Variants in FAT4 observed in about 807,000 individuals in gnomAD.
FAT4 encodes protocadherin Fat 4.
FAT4 carries 84 observed loss-of-function variants against 303.9 expected under a neutral mutation model. That is an observed-to-expected ratio of 0.28 (90% confidence interval 0.23 to 0.33). The LOEUF (loss-of-function observed/expected upper bound fraction) is 0.33. Among genes scored for constraint, FAT4 ranks in the 10% least tolerant of loss-of-function variants. The pLI is 1.00. For synonymous variants in FAT4, 2,307 were observed against 2,298.8 expected (o/e 1.00, Z -0.10); for missense variants, 6,005 against 6,146.8 (o/e 0.98, Z 0.77).
At position 125,319,394 on chromosome 4, in the gene FAT4, G is replaced by T; in HGVS notation, c.2983G>T (p.Val995Leu). ...YVHDVNDNSPVFDQLSYEVTL... is the reference protein window; with the variant it reads ...YVHDVNDNSPLFDQLSYEVTL... ...CCATGATGTAAATGACAATTCACCA[G>T]TGTTTGACCAACTCTCTTATGAAGT... Residue 995 changes from valine (V) to leucine (L), a missense_variant, in exon 2 of 18, where the codon GTG becomes TTG. By Grantham distance (32) the Val-to-Leu change is conservative (BLOSUM62 1). Transcript: ENST00000394329. 5.0e-6 allele frequency: 8 copies of T among 1,613,352 alleles called. No individual in the cohort carries two copies. Among genetic ancestry groups the T allele is most frequent in the Non-Finnish European group, 6.8e-6 (8 of 1,179,800 alleles).
Position 125,423,319 on chromosome 4 carries a change from T to C in FAT4, c.7018+6697T>C, listed in dbSNP as rs539555142. ...AGGAGGAAAAAATGGTTTCCTTGGGTGGGCCCAGGGCACCCCTGCTGTGTA... is the reference window on the plus strand; with the variant it reads ...AGGAGGAAAAAATGGTTTCCTTGGGCGGGCCCAGGGCACCCCTGCTGTGTA... On this transcript the variant is annotated intron_variant, in intron 7 of 17. Transcript: ENST00000394329. Among the ~76,000 whole-genome samples, 435 of 149,742 alleles carry C rather than the reference T, an allele frequency of 2.9e-3. 1 individual carries two copies. The highest frequency in any genetic ancestry group is 9.4e-3 in the African/African-American group (387 of 41,064).
intron 2 of FAT4, among the ~76,000 whole-genome samples, chr4:125,388,826 A>G (rs1212864258): frequency 6.6e-6 from 1 of 152,138 alleles, no homozygotes; most frequent in African/African-American, 2.4e-5. Flanking sequence ...TTGTTTTAAG[A>G]ATGGAGTTAA....
Position 125,405,627 on chromosome 4 carries a change from C to T in FAT4, c.5308-1253C>T, listed in dbSNP as rs185570680. 5.3e-5 allele frequency among the ~76,000 whole-genome samples: 8 copies of T among 152,042 alleles called. No homozygotes were observed. In the East Asian group the frequency reaches 1.6e-3, roughly 30 times the overall value. On this transcript the variant is annotated intron_variant, in intron 3 of 17. Coordinates refer to ENST00000394329, the MANE Select transcript of FAT4 (RefSeq NM_001291303.3). ...CCGAGTTCATGCCATTCTCCTGCAT[C>T]AGCCTCCCGAGTAGCTGGGACTCCA...
intron 8 of FAT4, among the ~76,000 whole-genome samples, chr4:125,435,121 A>G (rs1362869851): frequency 6.6e-6 from 1 of 152,232 alleles, no homozygotes; most frequent in Non-Finnish European, 1.5e-5. Flanking sequence ...ATATTTGTGT[A>G]TTCTTCATTT....
chr4:125,456,257 C>T (rs1389494570), intron 10 of FAT4, among the ~76,000 whole-genome samples: 1 of 152,050 alleles, frequency 6.6e-6, no homozygotes, highest in Admixed American at 6.5e-5. Context: ...GGAAATTGAG[C>T]CTACAGTCTG....
chr4:125,402,778 C>T (rs552994272), intron 3 of FAT4, among the ~76,000 whole-genome samples: 1 of 152,072 alleles, frequency 6.6e-6, no homozygotes, highest in Admixed American at 6.6e-5. Context: ...CTATACACTC[C>T]AAACTTACCT....
intron 16 of FAT4, among the ~76,000 whole-genome samples, chr4:125,487,051 T>C (rs1727434903): frequency 6.6e-6 from 1 of 152,190 alleles, no homozygotes; most frequent in Admixed American, 6.5e-5. Context: ...TTAATTATCT[T>C]AAATGGACAT....
intron 11 of FAT4, among the ~76,000 whole-genome samples, chr4:125,466,177 A>G (rs1481526986): frequency 6.6e-6 from 1 of 152,198 alleles, no homozygotes; most frequent in African/African-American, 2.4e-5. Context: ...CAGACATTAT[A>G]AAGGCGACAT....
intron 10 of FAT4, among the ~76,000 whole-genome samples, chr4:125,458,150 A>C (rs558897438): frequency 6.6e-6 from 1 of 152,040 alleles, no homozygotes; most frequent in Non-Finnish European, 1.5e-5. Context: ...TTTCAGGTGT[A>C]GTATTTGGAA....
chr4:125,327,983 A>G (rs1731223322), intron 2 of FAT4, among the ~76,000 whole-genome samples: 2 of 152,272 alleles, frequency 1.3e-5, no homozygotes, highest in African/African-American at 4.8e-5. Context: ...GTATTTCAAG[A>G]ATTAATAAAT....
chr4:125,380,579 T>C (rs1194735689), intron 2 of FAT4, among the ~76,000 whole-genome samples: 2 of 152,222 alleles, frequency 1.3e-5, no homozygotes, highest in Non-Finnish European at 2.9e-5. Flanking sequence ...TAATTTATTC[T>C]CTTATTAAAA....
intron 12 of FAT4, among the ~76,000 whole-genome samples, chr4:125,475,013 A>G (rs933587751): frequency 1.3e-5 from 2 of 152,194 alleles, no homozygotes; most frequent in Admixed American, 1.3e-4. Flanking sequence ...TCTCTGCTAC[A>G]TATGTAACAA....
rs778135552 is a variant in FAT4, at chr4:125,490,244, T to C, written c.13428T>C (p.Pro4476=). ...TGGCCTGTCTTGGCGTCCTCTGTCCTCAGGGGAAGGTGTGCAAAGCTGGAA... is the reference window on the plus strand; with the variant it reads ...TGGCCTGTCTTGGCGTCCTCTGTCCCCAGGGGAAGGTGTGCAAAGCTGGAA... The part of the protein sequence containing the change: ...MVVACLGVLC[P]QGKVCKAGSP... The change falls in exon 18 of 18, where the codon CCT becomes CCC. Residue 4476 remains proline (P), a synonymous_variant. Coordinates refer to ENST00000394329, the MANE Select transcript of FAT4 (RefSeq NM_001291303.3). 2 of 1,614,114 alleles carry C rather than the reference T, an allele frequency of 1.2e-6. No individual in the cohort carries two copies. Among genetic ancestry groups the C allele is most frequent in the East Asian group, 2.2e-5 (1 of 44,842 alleles).
Position 125,407,026 on chromosome 4 carries a change from T to C in FAT4, c.5454T>C (p.Asp1818=), listed in dbSNP as rs1303746642. ...ATTCACTGCTAGTTCGTGCTGATGA[T>C]GGTCTTCAGTCCTCGGATATGAGAA... The part of the protein sequence containing the change: ...SKYSLLVRAD[D]GLQSSDMRIN... The change falls in exon 4 of 18, where the codon GAT becomes GAC. Residue 1818 remains aspartate, a synonymous_variant. Coordinates refer to ENST00000394329, the MANE Select transcript of FAT4 (RefSeq NM_001291303.3). 1 of 1,613,844 alleles carries C rather than the reference T, an allele frequency of 6.2e-7. No homozygotes were observed. The highest frequency in any genetic ancestry group is 2.2e-5 in the East Asian group (1 of 44,844).
In FAT4 at chr4:125,477,322, G is replaced by A. The variant is rs1447049151; in HGVS notation, c.12467G>A (p.Gly4156Asp). 6.3e-7 allele frequency: 1 copy of A among 1,579,810 alleles called. No individual in the cohort carries two copies. The highest frequency in any genetic ancestry group is 1.8e-5 in the Admixed American group (1 of 56,942). Residue 4156 changes from glycine (G) to aspartate (D), a missense_variant, in exon 14 of 18, where the codon GGC becomes GAC. Physicochemically the swap from Gly to Asp is moderately conservative, Grantham distance 94. Coordinates refer to ENST00000394329, the MANE Select transcript of FAT4 (RefSeq NM_001291303.3). ...CCCAGCCAAGCTTTGGCAGCACAAG[G>A]CATCCTAGATCAGTATGGCGATTTT... ...LEPSQALAAQ[G>D]ILDQCPRLEG... is the part of the protein sequence containing the mutation.
At chr4:125,372,568 A>C (rs1733160054) in intron 2 of FAT4, among the ~76,000 whole-genome samples, 1 of 152,154 alleles carries the variant, frequency 6.6e-6, no homozygotes, top group African/African-American at 2.4e-5. Context: ...TACTTAGAAC[A>C]TATTACTGGT....
At chr4:125,469,105 C>CCTAAGTATTTCTGCCTTGA (rs1447458538) in intron 12 of FAT4, among the ~76,000 whole-genome samples, 1 of 152,144 alleles carries the variant, frequency 6.6e-6, no homozygotes, top group Non-Finnish European at 1.5e-5. Flanking sequence ...ACCTTTCTTT[C>CCTAAGTATTTCTGCCTTGA]CTAAGTATTT....
intron 2 of FAT4, among the ~76,000 whole-genome samples, chr4:125,381,961 G>A (rs1331963263): frequency 3.9e-5 from 6 of 152,200 alleles, no homozygotes; most frequent in Admixed American, 3.3e-4. Flanking sequence ...TCCATAAGAA[G>A]CAAATCTTCA....
Position 125,472,041 on chromosome 4 carries a change from C to T in FAT4, c.12213+3222C>T, listed in dbSNP as rs1332929977. ...TGAGCCGAGATCTCGCCACTGCACG[C>T]CAGCCTGGGTGACAGAGCAAGACTC... On this transcript the variant is annotated intron_variant, in intron 12 of 17. Transcript: ENST00000394329. Among the ~76,000 whole-genome samples the T allele has an allele frequency of 2.1e-5, 3 of 143,116 alleles. No individual in the cohort carries two copies. The Admixed American group carries it at 2.2e-4, about 10-fold the overall frequency. 93.9% of individuals were successfully genotyped at this position (143,116 alleles called of 152,430 possible).
Sources: gnomAD v4.1 joint callset for allele counts (sites outside exome capture counted in the v4.1 genomes callset) on GRCh38, gnomAD v4.1.1 for gene constraint, MANE v1.5 for transcripts, NCBI Gene and HGNC (gene_info 2026-07-23, HGNC 2026-07-21) for gene names.